DNAI4: variants seen among roughly 807,000 people sequenced by gnomAD.
DNAI4 encodes WD repeat domain 78.
A neutral mutation model predicts 105.8 loss-of-function variants in DNAI4; 85 were observed. The ratio of observed to expected loss-of-function variants is 0.80; its 90% CI spans 0.67 to 0.96. The LOEUF (loss-of-function observed/expected upper bound fraction) is 0.96, where lower values mean the gene tolerates loss of function less well. DNAI4 is among the 40% of genes least tolerant of loss of function. DNAI4 has a pLI of 0.00. For synonymous variants in DNAI4, 352 were observed against 331.5 expected, an observed-to-expected ratio of 1.06 and a Z score of -0.67; for missense variants, 1,014 against 1,005.6, an observed-to-expected ratio of 1.01 and a Z score of -0.11.
chr1:66,907,190 A>G (rs1165513230), intron 1 of DNAI4, among the ~76,000 whole-genome samples: 2 of 152,132 alleles, frequency 1.3e-5, no homozygotes. Context: ...ACTACAATGT[A>G]GCTTTACTCT....
chr1:66,847,361 A>G, intron 8 of DNAI4, 123 bp downstream of exon 8: 3 of 878,550 alleles, frequency 3.4e-6, no homozygotes, highest in Non-Finnish European at 5.2e-6. Flanking sequence ...TGGCATGATC[A>G]TAGCTTGCTA....
At chr1:66,911,890 G>A (rs1649685448) in intron 1 of DNAI4, among the ~76,000 whole-genome samples, 1 of 152,114 alleles carries the variant, frequency 6.6e-6, no homozygotes, top group Non-Finnish European at 1.5e-5. Context: ...TGCCCAGGCT[G>A]GAGTGCAGTG....
intron 4 of DNAI4, among the ~76,000 whole-genome samples, chr1:66,887,692 G>A (rs552520196): frequency 3.6e-4 from 54 of 151,954 alleles, no homozygotes; most frequent in Admixed American, 2.0e-4. Flanking sequence ...TACTACTACC[G>A]TCCAGAAGTG....
At chr1:66,843,090 C>T (rs1036664572) in intron 8 of DNAI4, among the ~76,000 whole-genome samples, 2 of 151,280 alleles carry the variant, frequency 1.3e-5, no homozygotes, top group African/African-American at 4.9e-5. Flanking sequence ...GTCTTAGCTA[C>T]CCGGGAGGCT....
chr1:66,854,426 TA>T (rs796668287), intron 7 of DNAI4, among the ~76,000 whole-genome samples: 149 of 151,386 alleles, frequency 9.8e-4, no homozygotes, highest in African/African-American at 2.5e-3. Context: ...TACAATTGCT[TA>T]AAAAAAAACT....
chr1:66,900,985 A>G (rs1118393), intron 2 of DNAI4, among the ~76,000 whole-genome samples: 119,279 of 152,144 alleles, frequency 0.78, 47,156 homozygotes, highest in East Asian at 0.88. Context: ...GATTAAGTGC[A>G]ATTAAGTATA....
chr1:66,861,744 G>A (rs1417443477), intron 7 of DNAI4, among the ~76,000 whole-genome samples: 1 of 152,122 alleles, frequency 6.6e-6, no homozygotes, highest in African/African-American at 2.4e-5. Flanking sequence ...AATGTCCCCA[G>A]GGGAAGTAAA....
chr1:66,915,437 G>A (rs943434343), intron 1 of DNAI4, among the ~76,000 whole-genome samples: 4 of 152,088 alleles, frequency 2.6e-5, no homozygotes, highest in East Asian at 3.9e-4. Context: ...TTGCAATGGC[G>A]GTTTCATAAC....
intron 7 of DNAI4, among the ~76,000 whole-genome samples, chr1:66,851,240 A>C (rs1423566318): frequency 6.6e-6 from 1 of 151,972 alleles, no homozygotes; most frequent in East Asian, 1.9e-4. Context: ...AAAGAAAATT[A>C]CCAGGGATAT....
chr1:66,845,190 C>CAG (rs1646245909), intron 8 of DNAI4, among the ~76,000 whole-genome samples: 1 of 106,318 alleles, frequency 9.4e-6, no homozygotes, highest in Non-Finnish European at 1.8e-5. Context: ...AACTCCATCT[C>CAG]AAAAAAAAAA....
intron 1 of DNAI4, among the ~76,000 whole-genome samples, chr1:66,923,263 A>C (rs1009545559): frequency 1.3e-5 from 2 of 152,232 alleles, no homozygotes; most frequent in Admixed American, 6.5e-5. Flanking sequence ...CTAGATGTAT[A>C]GCCTACTATA....
At chr1:66,914,754 T>A (rs760788072) in intron 1 of DNAI4, among the ~76,000 whole-genome samples, 1 of 152,182 alleles carries the variant, frequency 6.6e-6, no homozygotes. Flanking sequence ...AATGTCCTTC[T>A]ATTTGCATGC....
At chr1:66,863,845 A>G (rs1646677781) in intron 6 of DNAI4, among the ~76,000 whole-genome samples, 1 of 152,232 alleles carries the variant, frequency 6.6e-6, no homozygotes, top group Non-Finnish European at 1.5e-5. Flanking sequence ...AGTCATGCAC[A>G]GAATACCTAG....
intron 7 of DNAI4, among the ~76,000 whole-genome samples, chr1:66,849,551 T>A (rs527605321): frequency 7.3e-4 from 111 of 152,202 alleles, no homozygotes; most frequent in African/African-American, 2.5e-3. Context: ...TTAACTTGAA[T>A]GGAAAAAAGC....
intron 16 of DNAI4, among the ~76,000 whole-genome samples, chr1:66,817,002 GTACT>G (rs1298316289): frequency 1.3e-5 from 2 of 151,536 alleles, no homozygotes; most frequent in Non-Finnish European, 1.5e-5. Context: ...ATAACATATT[GTACT>G]TACTTTGTGG....
chr1:66,888,115 T>A (rs184321069), intron 4 of DNAI4, among the ~76,000 whole-genome samples: 2 of 152,182 alleles, frequency 1.3e-5, no homozygotes, highest in Non-Finnish European at 2.9e-5. Flanking sequence ...ATTTATAACA[T>A]GGAAATTGGC....
At chr1:66,831,032 A>C (rs1369044527) in intron 13 of DNAI4, among the ~76,000 whole-genome samples, 1 of 150,888 alleles carries the variant, frequency 6.6e-6, no homozygotes, top group Non-Finnish European at 1.5e-5. Flanking sequence ...ACAACTGTTA[A>C]AGGATGCTAA....
At chr1:66,840,728 A>C in intron 8 of DNAI4, 57 bp from the exon 9 acceptor site, 1 of 1,575,644 alleles carries the variant, frequency 6.3e-7, no homozygotes, top group Non-Finnish European at 8.7e-7. Flanking sequence ...GGACCTGCCA[A>C]AGGCTCCAAA....
intron 1 of DNAI4, among the ~76,000 whole-genome samples, chr1:66,916,942 T>C (rs1650115549): frequency 6.6e-6 from 1 of 152,150 alleles, no homozygotes; most frequent in South Asian, 2.1e-4. Flanking sequence ...TATTTTACAA[T>C]GACCTATGAT....
Sources: gnomAD v4.1 joint callset for allele counts (sites outside exome capture counted in the v4.1 genomes callset) on GRCh38, gnomAD v4.1.1 for gene constraint, MANE v1.5 for transcripts, NCBI Gene and HGNC (gene_info 2026-07-23, HGNC 2026-07-21) for gene names.